Variants in VEZT observed in about 807,000 individuals in gnomAD.
The protein encoded by VEZT is vezatin.
Under a neutral mutation model 79.9 loss-of-function variants are expected in VEZT, and 39 were observed. That is an observed-to-expected ratio of 0.49 (90% CI 0.38 to 0.64). The LOEUF is 0.64. Among genes scored for constraint, VEZT ranks in the 30% least tolerant of loss-of-function variants. The probability of loss-of-function intolerance (pLI) is 0.00; values close to 1 mark genes in which losing one functional copy is unlikely to be tolerated. For missense variants in VEZT, 837 were observed against 893.1 expected (o/e 0.94, Z 0.80); for synonymous variants, 325 against 327.6 (o/e 0.99, Z 0.09).
chr12:95,284,764 G>T (rs1208154049), intron 8 of VEZT, among the ~76,000 whole-genome samples: 1 of 152,094 alleles, frequency 6.6e-6, no homozygotes, highest in Non-Finnish European at 1.5e-5. Context: ...CAGCACTTTG[G>T]GATATGATGG....
At chr12:95,232,758 G>A (rs754256770) in intron 1 of VEZT, among the ~76,000 whole-genome samples, 1 of 152,076 alleles carries the variant, frequency 6.6e-6, no homozygotes, top group Non-Finnish European at 1.5e-5. Flanking sequence ...TTGAAGTAGA[G>A]CATTAGTTTT....
chr12:95,239,359 G>A (rs2060588960), intron 1 of VEZT, among the ~76,000 whole-genome samples: 1 of 152,216 alleles, frequency 6.6e-6, no homozygotes, highest in South Asian at 2.1e-4. Context: ...CTGACACAGA[G>A]TAGGTGCTCA....
intron 1 of VEZT, among the ~76,000 whole-genome samples, chr12:95,231,231 C>G (rs2059233021): frequency 6.6e-6 from 1 of 152,140 alleles, no homozygotes; most frequent in Admixed American, 6.5e-5. Flanking sequence ...TAAATAAACA[C>G]TAATACTAAA....
chr12:95,278,447 C>A (rs1240668020), intron 7 of VEZT, among the ~76,000 whole-genome samples: 1 of 152,130 alleles, frequency 6.6e-6, no homozygotes, highest in African/African-American at 2.4e-5. Context: ...CTGAAAGGAG[C>A]CTTATCTTGA....
In VEZT at chr12:95,274,725, C is replaced by T; in HGVS notation, c.849-17C>T. ...TTTCATGAAAAGGCTTTGTTGATTGCCTTAACCTAATTTAACCTACCCCCT... is the reference window on the plus strand; with the variant it reads ...TTTCATGAAAAGGCTTTGTTGATTGTCTTAACCTAATTTAACCTACCCCCT... On this transcript the variant is annotated splice_polypyrimidine_tract_variant and intron_variant, in intron 6 of 11. Coordinates refer to ENST00000436874, the MANE Select transcript of VEZT (RefSeq NM_017599.4). 1 of 1,605,170 alleles carries T rather than the reference C, an allele frequency of 6.2e-7. No homozygotes were observed. The highest frequency in any genetic ancestry group is 8.5e-7 in the Non-Finnish European group (1 of 1,176,754).
At chr12:95,263,305 T>C (rs2064894142) in intron 4 of VEZT, among the ~76,000 whole-genome samples, 1 of 152,178 alleles carries the variant, frequency 6.6e-6, no homozygotes, top group South Asian at 2.1e-4. Context: ...TTCCAACTCA[T>C]TAAAATTAGT....
chr12:95,287,227 G>A (rs1283475088), intron 8 of VEZT, among the ~76,000 whole-genome samples: 1 of 152,072 alleles, frequency 6.6e-6, no homozygotes, highest in Non-Finnish European at 1.5e-5. Flanking sequence ...ATTATAAAAT[G>A]TACAGTTCAG....
intron 1 of VEZT, among the ~76,000 whole-genome samples, chr12:95,241,828 A>G (rs1165366662): frequency 2.0e-5 from 3 of 152,228 alleles, no homozygotes; most frequent in South Asian, 2.1e-4. Context: ...TGAACTTTAC[A>G]TTAGTTTGTG....
intron 1 of VEZT, chr12:95,224,086 T>A (rs1280005853): frequency 2.3e-6 from 1 of 437,778 alleles, no homozygotes. Context: ...TCATTGGTGA[T>A]TATTTTTCTC....
At chr12:95,238,070 C>G (rs2060430967) in intron 1 of VEZT, among the ~76,000 whole-genome samples, 3 of 152,200 alleles carry the variant, frequency 2.0e-5, no homozygotes, top group African/African-American at 7.2e-5. Context: ...CATTTTGAAC[C>G]TTATAGAATA....
chr12:95,282,210 G>A, intron 7 of VEZT, 103 bp from the exon 8 acceptor site: 1 of 1,036,684 alleles, frequency 9.6e-7, no homozygotes, highest in Non-Finnish European at 1.4e-6. Context: ...TTAGGATAAA[G>A]TGCAAAATTT....
chr12:95,224,236 G>T (rs2058074248), intron 1 of VEZT: 1 of 455,920 alleles, frequency 2.2e-6, no homozygotes, highest in African/African-American at 2.0e-5. Context: ...GCGCCAGAGA[G>T]GTTTGGGTGT....
Position 95,263,036 on chromosome 12 carries a change from A to G in VEZT, c.389A>G (p.Asn130Ser). ...LSAGQSQQQE[N>S]GHLPTLCSLA... ...GCAGGGCAATCTCAACAACAGGAAA[A>G]TGGACACCTTCCAACACTTTGCTCC... The change falls in exon 4 of 12, where the codon AAT becomes AGT. Residue 130 changes from asparagine to serine, a missense_variant. Transcript: ENST00000436874. 1.9e-6 allele frequency: 3 copies of G among 1,612,684 alleles called. No individual in the cohort carries two copies. The highest frequency in any genetic ancestry group is 2.5e-6 in the Non-Finnish European group (3 of 1,178,902).
intron 1 of VEZT, among the ~76,000 whole-genome samples, chr12:95,242,623 C>G (rs1278876894): frequency 1.3e-5 from 2 of 152,258 alleles, no homozygotes; most frequent in African/African-American, 2.4e-5. Flanking sequence ...CCTGTAATCC[C>G]AGTACTTTGG....
chr12:95,284,611 A>G (rs12371088), intron 8 of VEZT, among the ~76,000 whole-genome samples: 60,816 of 152,104 alleles, frequency 0.4, 12,574 homozygotes, highest in African/African-American at 0.49. Flanking sequence ...TCTATCTTTA[A>G]TTCTCATTCC....
chr12:95,270,319 A>G (rs2066351281), intron 6 of VEZT, 131 bp downstream of exon 6: 1 of 944,984 alleles, frequency 1.1e-6, no homozygotes, highest in African/African-American at 1.7e-5. Flanking sequence ...TCCATCATCA[A>G]TTCTATGTTA....
chr12:95,268,750 G>A (rs1219531124), intron 5 of VEZT, among the ~76,000 whole-genome samples: 3 of 152,182 alleles, frequency 2.0e-5, no homozygotes, highest in Non-Finnish European at 2.9e-5. Flanking sequence ...AAGAAATTGT[G>A]CTTCCTTTGT....
intron 1 of VEZT, among the ~76,000 whole-genome samples, chr12:95,250,314 T>TTG (rs1166616812): frequency 6.7e-6 from 1 of 148,486 alleles, no homozygotes; most frequent in Non-Finnish European, 1.5e-5. Context: ...TTTTTTTTTT[T>TTG]TTTTGTGAGA....
chr12:95,294,213 A>G, intron 9 of VEZT, 59 bp from the exon 10 acceptor site: 1 of 1,404,582 alleles, frequency 7.1e-7, no homozygotes, highest in South Asian at 1.2e-5. Context: ...TTAGATGTTC[A>G]CTCATTTCTG....
Sources: allele counts gnomAD v4.1 joint callset (sites outside exome capture counted in the v4.1 genomes callset), GRCh38; gene constraint gnomAD v4.1.1; transcripts MANE v1.5; gene names NCBI Gene and HGNC (gene_info 2026-07-23, HGNC 2026-07-21).